The following PPM1L variants were observed in gnomAD, a reference collection of about 807,000 sequenced individuals.
PPM1L encodes the protein protein phosphatase, Mg2+/Mn2+ dependent 1L, also known as protein phosphatase 1L.
Under a neutral mutation model 31.4 loss-of-function variants are expected in PPM1L, and 13 were observed. That is an observed-to-expected ratio of 0.41 (90% CI 0.27 to 0.66). PPM1L has a LOEUF of 0.66. Among genes scored for constraint, PPM1L ranks in the 30% least tolerant of loss-of-function variants. PPM1L has a pLI of 0.29. For synonymous variants in PPM1L, 184 were observed against 175.4 expected (o/e 1.05, Z -0.39); for missense variants, 326 against 453.7 (o/e 0.72, Z 2.56).
chr3:161,032,679 G>A (rs1718605834), intron 2 of PPM1L, among the ~76,000 whole-genome samples: 1 of 138,960 alleles, frequency 7.2e-6, no homozygotes. Context: ...CAGTGCCTCA[G>A]TACAGAGAAG....
At chr3:160,762,994 T>C (rs1448270520) in intron 1 of PPM1L, among the ~76,000 whole-genome samples, 2 of 152,124 alleles carry the variant, frequency 1.3e-5, no homozygotes, top group Non-Finnish European at 2.9e-5. Flanking sequence ...AGTGGAAAAA[T>C]CCATGAAATG....
chr3:161,063,908 G>C (rs1427500264), intron 2 of PPM1L, among the ~76,000 whole-genome samples: 4 of 152,132 alleles, frequency 2.6e-5, no homozygotes, highest in African/African-American at 9.7e-5. Flanking sequence ...TCTCAGCAAA[G>C]TTACACTGGA....
intron 1 of PPM1L, among the ~76,000 whole-genome samples, chr3:160,846,542 A>G (rs1379235580): frequency 6.6e-6 from 1 of 152,142 alleles, no homozygotes; most frequent in Non-Finnish European, 1.5e-5. Context: ...AAAAATTGTT[A>G]TTACATTGAA....
intron 1 of PPM1L, among the ~76,000 whole-genome samples, chr3:160,849,511 C>G (rs1318793008): frequency 6.6e-6 from 1 of 152,028 alleles, no homozygotes; most frequent in Non-Finnish European, 1.5e-5. Flanking sequence ...AGCTCCACCT[C>G]CCGGGTTCAT....
At chr3:160,986,381 A>C (rs1716965416) in intron 2 of PPM1L, among the ~76,000 whole-genome samples, 2 of 152,188 alleles carry the variant, frequency 1.3e-5, no homozygotes, top group South Asian at 4.1e-4. Context: ...CAGGGCAGAG[A>C]CTGGCCCAGG....
chr3:161,029,289 G>A (rs1718495176), intron 2 of PPM1L, among the ~76,000 whole-genome samples: 6 of 152,210 alleles, frequency 3.9e-5, no homozygotes, highest in Admixed American at 3.9e-4. Flanking sequence ...AACAAATGAA[G>A]TTGAGTTTTA....
chr3:160,899,886 A>AT (rs1713480675), intron 1 of PPM1L, among the ~76,000 whole-genome samples: 1 of 152,176 alleles, frequency 6.6e-6, no homozygotes, highest in Admixed American at 6.5e-5. Flanking sequence ...AAACTTGTTT[A>AT]TTAGATTATT....
At chr3:160,793,289 A>G (rs1712154315) in intron 1 of PPM1L, among the ~76,000 whole-genome samples, 1 of 152,224 alleles carries the variant, frequency 6.6e-6, no homozygotes, top group African/African-American at 2.4e-5. Context: ...TTAAAAATCT[A>G]TTAACCTTTT....
chr3:161,057,915 A>G (rs1448186787), intron 2 of PPM1L, among the ~76,000 whole-genome samples: 4 of 151,722 alleles, frequency 2.6e-5, no homozygotes, highest in Non-Finnish European at 5.9e-5. Flanking sequence ...CTACTCCAAG[A>G]AGGCCAAGAT....
At chr3:160,880,729 C>T (rs1319606970) in intron 1 of PPM1L, among the ~76,000 whole-genome samples, 1 of 152,042 alleles carries the variant, frequency 6.6e-6, no homozygotes, top group African/African-American at 2.4e-5. Flanking sequence ...CTGTCCTTTG[C>T]TGAAACCAGC....
chr3:161,057,773 C>T (rs568941825), intron 2 of PPM1L, among the ~76,000 whole-genome samples: 7 of 152,044 alleles, frequency 4.6e-5, no homozygotes, highest in African/African-American at 1.7e-4. Context: ...TGTCACAAGC[C>T]CCCCCGACTC....
intron 1 of PPM1L, among the ~76,000 whole-genome samples, chr3:160,786,096 T>G (rs1242142566): frequency 1.3e-5 from 2 of 148,320 alleles, no homozygotes; most frequent in African/African-American, 5.0e-5. Context: ...TTTTTGATTT[T>G]TGCAAGTTGG....
rs1354311606 is a variant in PPM1L at position 160,817,224 on chromosome 3, A to G, written c.399+60517A>G. 2.6e-5 allele frequency among the ~76,000 whole-genome samples: 4 copies of G among 152,054 alleles called. No individual in the cohort carries two copies. The East Asian group carries it at 7.7e-4, about 29-fold the overall frequency. ...AGGGCTTTCCAAAACCAGGAGTGGA[A>G]TATAAGATTATATGTCAGACCAAGT... On this transcript the variant is annotated intron_variant, in intron 1 of 3. Transcript: ENST00000498165.
At chr3:160,835,113 TC>T (rs1272196696) in intron 1 of PPM1L, among the ~76,000 whole-genome samples, 191 of 148,964 alleles carry the variant, frequency 1.3e-3, no homozygotes, top group African/African-American at 4.4e-3. Context: ...CTTTCTTCCT[TC>T]TTCTTTCTTC....
intron 1 of PPM1L, among the ~76,000 whole-genome samples, chr3:160,837,427 A>G (rs1214331207): frequency 1.3e-5 from 2 of 152,240 alleles, no homozygotes; most frequent in African/African-American, 4.8e-5. Flanking sequence ...CTTGACTTCA[A>G]GCCACTGTTA....
intron 1 of PPM1L, among the ~76,000 whole-genome samples, chr3:160,908,586 A>G (rs1189295489): frequency 6.6e-6 from 1 of 152,200 alleles, no homozygotes; most frequent in Non-Finnish European, 1.5e-5. Context: ...AGCAAAGATG[A>G]CTGATGAGAT....
Position 161,003,622 on chromosome 3 carries a change from A to G in PPM1L, c.574+41712A>G, listed in dbSNP as rs528483396. 3.5e-3 allele frequency among the ~76,000 whole-genome samples: 527 copies of G among 152,184 alleles called. 2 individuals carry two copies. Among genetic ancestry groups the G allele is most frequent in the African/African-American group, 0.012 (511 of 41,516 alleles). On this transcript the variant is annotated intron_variant, in intron 2 of 3. Transcript: ENST00000498165. The stretch of plus-strand genomic sequence containing the variant: ...TGCAATTGTGAATGGGAGTTCACTC[A>G]TGATTTGGTTCTCTGTTTGTCTGTT...
chr3:160,870,497 T>C (rs1447610), intron 1 of PPM1L: 40,324 of 152,110 alleles, frequency 0.27, 5,650 homozygotes, highest in East Asian at 0.51. Flanking sequence ...AAATCCTTAG[T>C]TGATGACATC....
chr3:160,790,864 A>G (rs1407293808), intron 1 of PPM1L, among the ~76,000 whole-genome samples: 1 of 152,126 alleles, frequency 6.6e-6, no homozygotes, highest in Admixed American at 6.6e-5. Context: ...TTAATCTCAA[A>G]GTATGTATGT....
Sources: allele counts gnomAD v4.1 joint callset (sites outside exome capture counted in the v4.1 genomes callset), GRCh38; gene constraint gnomAD v4.1.1; transcripts MANE v1.5; gene names NCBI Gene and HGNC (gene_info 2026-07-23, HGNC 2026-07-21).